SGCZ: variants seen among roughly 807,000 people sequenced by gnomAD.
SGCZ encodes sarcoglycan zeta, also known as zeta-sarcoglycan.
Under a neutral mutation model 41.3 loss-of-function variants are expected in SGCZ, and 40 were observed. The ratio of observed to expected loss-of-function variants is 0.97; its 90% CI spans 0.75 to 1.26. The LOEUF is 1.26. SGCZ is among the 50% of genes most tolerant of loss of function. The probability of loss-of-function intolerance (pLI) is 0.00; values close to 1 mark genes in which losing one functional copy is unlikely to be tolerated. For missense variants in SGCZ, 552 were observed against 369.8 expected (o/e 1.49, Z -4.04); for synonymous variants, 206 against 137.5 (o/e 1.50, Z -3.49).
intron 2 of SGCZ, among the ~76,000 whole-genome samples, chr8:14,375,129 GACA>G (rs1804067394): frequency 6.8e-6 from 1 of 146,210 alleles, no homozygotes; most frequent in Non-Finnish European, 1.5e-5. Flanking sequence ...CAGACAGACA[GACA>G]GACAGACAGA....
chr8:14,434,183 T>A (rs1446184588), intron 2 of SGCZ, among the ~76,000 whole-genome samples: 2 of 152,224 alleles, frequency 1.3e-5, no homozygotes, highest in African/African-American at 4.8e-5. Context: ...TTCTCCTACA[T>A]GTGGCTTGCC....
intron 2 of SGCZ, among the ~76,000 whole-genome samples, chr8:14,535,636 A>G (rs933549988): frequency 6.6e-6 from 1 of 151,942 alleles, no homozygotes; most frequent in Admixed American, 6.6e-5. Context: ...AATAAAATTT[A>G]TTAGATTTAC....
chr8:14,780,303 G>A (rs562490082), intron 1 of SGCZ, among the ~76,000 whole-genome samples: 3 of 151,158 alleles, frequency 2.0e-5, no homozygotes, highest in African/African-American at 2.4e-5. Flanking sequence ...CGAACCCGGG[G>A]GGCAGAGCTT....
chr8:14,214,008 G>C (rs898589708), intron 4 of SGCZ, among the ~76,000 whole-genome samples: 5 of 151,442 alleles, frequency 3.3e-5, no homozygotes, highest in African/African-American at 1.2e-4. Context: ...CTTTTTTCAA[G>C]TAGTACAGTA....
chr8:14,101,564 GGAGTAGCAAC>G (rs1554456529), intron 7 of SGCZ, among the ~76,000 whole-genome samples: 2 of 151,796 alleles, frequency 1.3e-5, no homozygotes, highest in African/African-American at 2.4e-5. Context: ...GATGTCTGCA[GGAGTAGCAAC>G]AAGATTTAAA....
intron 1 of SGCZ, among the ~76,000 whole-genome samples, chr8:14,635,720 T>G (rs1461814867): frequency 6.6e-6 from 1 of 151,650 alleles, no homozygotes; most frequent in East Asian, 2.0e-4. Context: ...GTGTTCCAAC[T>G]GACAGCAATG....
At chr8:15,020,829 C>A (rs553481863) in intron 1 of SGCZ, among the ~76,000 whole-genome samples, 12 of 152,238 alleles carry the variant, frequency 7.9e-5, no homozygotes, top group Middle Eastern at 3.4e-3. Context: ...TAAACATAAG[C>A]CTTTCTTCAC....
chr8:14,534,176 T>C (rs1803223794), intron 2 of SGCZ, among the ~76,000 whole-genome samples: 2 of 151,994 alleles, frequency 1.3e-5, no homozygotes, highest in South Asian at 2.1e-4. Context: ...AGTTTTAAGA[T>C]GCCAGGTGAA....
At chr8:14,836,137 C>T (rs1263659703) in intron 1 of SGCZ, among the ~76,000 whole-genome samples, 3 of 152,044 alleles carry the variant, frequency 2.0e-5, no homozygotes, top group Non-Finnish European at 4.4e-5. Context: ...ACCTCCCCTC[C>T]CACCTGATCA....
intron 1 of SGCZ, among the ~76,000 whole-genome samples, chr8:15,191,472 CA>C (rs1437295954): frequency 1.3e-5 from 2 of 151,878 alleles, no homozygotes; most frequent in African/African-American, 4.8e-5. Flanking sequence ...ACCCTGAAAA[CA>C]ATTTAAGATT....
rs777675218 is a variant in SGCZ, at chr8:14,102,436, A to G, written c.684T>C (p.Ala228=). 6.5e-6 allele frequency: 10 copies of G among 1,538,412 alleles called. No individual in the cohort carries two copies. The highest frequency in any genetic ancestry group is 1.7e-5 in the Admixed American group (1 of 57,196). Residue 228 remains alanine, a synonymous_variant, in exon 7 of 8, where the codon GCT becomes GCC. Coordinates refer to ENST00000382080, the MANE Select transcript of SGCZ (RefSeq NM_139167.4). ...TGCAGGTGGCCTTGAAGTCTCCTGC[A>G]GCAGCACTCACCTGGACCCCACGGG... ...EAPRGVQVSA[A]AGDFKATCRK... is the part of the protein sequence containing the mutation.
At chr8:15,234,761 A>C (rs144962478) in intron 1 of SGCZ, among the ~76,000 whole-genome samples, 13 of 152,322 alleles carry the variant, frequency 8.5e-5, no homozygotes, top group African/African-American at 2.9e-4. Context: ...AGCACAGCAA[A>C]AAATAAAAAA....
intron 1 of SGCZ, among the ~76,000 whole-genome samples, chr8:15,059,994 G>A (rs1343842978): frequency 6.6e-6 from 1 of 152,162 alleles, no homozygotes; most frequent in Non-Finnish European, 1.5e-5. Context: ...AAGCATTCAA[G>A]CCCTGACATC....
At chr8:14,847,861 C>A (rs532108569) in intron 1 of SGCZ, among the ~76,000 whole-genome samples, 1 of 151,180 alleles carries the variant, frequency 6.6e-6, no homozygotes, top group African/African-American at 2.4e-5. Context: ...CTGCTCCCAC[C>A]ATCTCTAGTC....
intron 2 of SGCZ, among the ~76,000 whole-genome samples, chr8:14,359,878 C>G (rs533653284): frequency 2.0e-5 from 3 of 150,146 alleles, no homozygotes; most frequent in Non-Finnish European, 4.4e-5. Flanking sequence ...AGAATGCTGG[C>G]AAATCAAATT....
rs557476243 is a variant in SGCZ, at chr8:14,955,453, G to A, written c.39+282132C>T. 2.0e-5 allele frequency among the ~76,000 whole-genome samples: 3 copies of A among 152,134 alleles called. No individual in the cohort carries two copies. In the East Asian group the frequency reaches 5.8e-4, roughly 29 times the overall value. ...CTATTTTCACATGTGAAGTTCCTCA[G>A]TGACAGGGATGTGCATTTCAACTTA... On this transcript the variant is annotated intron_variant, in intron 1 of 7. Coordinates refer to ENST00000382080, the MANE Select transcript of SGCZ (RefSeq NM_139167.4).
chr8:14,965,977 G>C (rs938706749), intron 1 of SGCZ, among the ~76,000 whole-genome samples: 4 of 151,974 alleles, frequency 2.6e-5, no homozygotes, highest in African/African-American at 9.7e-5. Context: ...CCTACAGAAT[G>C]CTCTCAAGCA....
chr8:14,187,066 G>A (rs1468025119), intron 4 of SGCZ, among the ~76,000 whole-genome samples: 1 of 152,174 alleles, frequency 6.6e-6, no homozygotes, highest in African/African-American at 2.4e-5. Context: ...AAGTCAAAGA[G>A]AGCACTGTCA....
At chr8:14,751,973 G>A (rs1040057355) in intron 1 of SGCZ, among the ~76,000 whole-genome samples, 22 of 151,664 alleles carry the variant, frequency 1.5e-4, no homozygotes, top group African/African-American at 5.1e-4. Context: ...CACCTTAGAG[G>A]ATTTGAGGAC....
Sources: gnomAD v4.1 joint callset for allele counts (sites outside exome capture counted in the v4.1 genomes callset) on GRCh38, gnomAD v4.1.1 for gene constraint, MANE v1.5 for transcripts, NCBI Gene and HGNC (gene_info 2026-07-23, HGNC 2026-07-21) for gene names.